Variants in SSBP2 observed in about 807,000 individuals in gnomAD.
The protein encoded by SSBP2 is single stranded DNA binding protein 2, also known as single-stranded DNA-binding protein 2.
SSBP2 carries 17 observed loss-of-function variants against 61.8 expected under a neutral mutation model. That is an observed-to-expected ratio of 0.28 (90% confidence interval 0.19 to 0.41). SSBP2 has a LOEUF of 0.41. SSBP2 is among the 10% of genes least tolerant of loss of function. The probability of loss-of-function intolerance (pLI) is 1.00; values close to 1 mark genes in which losing one functional copy is unlikely to be tolerated. For synonymous variants in SSBP2, 139 were observed against 141.3 expected (o/e 0.98, Z 0.12); for missense variants, 310 against 458.7 (o/e 0.68, Z 2.96).
intron 4 of SSBP2, among the ~76,000 whole-genome samples, chr5:81,584,403 C>T (rs1454578556): frequency 1.3e-5 from 2 of 152,156 alleles, no homozygotes; most frequent in Admixed American, 6.5e-5. Context: ...TAATTTTTAA[C>T]TCTTATCAGT....
intron 9 of SSBP2, among the ~76,000 whole-genome samples, chr5:81,465,452 C>G (rs1236213622): frequency 1.3e-5 from 2 of 151,902 alleles, no homozygotes; most frequent in East Asian, 3.8e-4. Flanking sequence ...ATTTTAATCT[C>G]TCAATGGTCA....
chr5:81,435,887 T>A (rs1329511173), intron 15 of SSBP2, among the ~76,000 whole-genome samples: 1 of 151,970 alleles, frequency 6.6e-6, no homozygotes, highest in Non-Finnish European at 1.5e-5. Context: ...GCTAATTAAA[T>A]TGTTAGAAAT....
intron 3 of SSBP2, 55 bp downstream of exon 3, chr5:81,636,502 C>T: frequency 1.5e-6 from 2 of 1,374,264 alleles, no homozygotes; most frequent in Non-Finnish European, 2.0e-6. Context: ...AGGTATAGTA[C>T]AGGCCTATTG....
chr5:81,744,472 A>T (rs1180604156), intron 1 of SSBP2, among the ~76,000 whole-genome samples: 1 of 152,178 alleles, frequency 6.6e-6, no homozygotes, highest in Non-Finnish European at 1.5e-5. Context: ...ATATATTTTC[A>T]TCTATTATTC....
chr5:81,681,754 C>T (rs772486037), intron 1 of SSBP2, among the ~76,000 whole-genome samples: 47 of 151,900 alleles, frequency 3.1e-4, no homozygotes, highest in Non-Finnish European at 5.2e-4. Flanking sequence ...GAAAAGGAAA[C>T]CAACAGAGAA....
intron 4 of SSBP2, among the ~76,000 whole-genome samples, chr5:81,516,706 TAA>T (rs1273969473): frequency 6.6e-6 from 1 of 152,066 alleles, no homozygotes; most frequent in Non-Finnish European, 1.5e-5. Flanking sequence ...CTCAGCATTG[TAA>T]AAGAGTATAT....
intron 5 of SSBP2, among the ~76,000 whole-genome samples, chr5:81,493,266 A>T (rs1561465866): frequency 1.4e-5 from 2 of 145,490 alleles, no homozygotes; most frequent in African/African-American, 5.6e-5. Context: ...AGATAGATAG[A>T]TAGATAGATA....
At chr5:81,495,855 T>C (rs894770257) in intron 5 of SSBP2, among the ~76,000 whole-genome samples, 2 of 152,002 alleles carry the variant, frequency 1.3e-5, no homozygotes, top group Non-Finnish European at 2.9e-5. Context: ...TCAGTATAAA[T>C]TAATAATAAA....
At chr5:81,561,086 GTTT>G (rs991267718) in intron 4 of SSBP2, among the ~76,000 whole-genome samples, 5 of 150,826 alleles carry the variant, frequency 3.3e-5, no homozygotes. Context: ...TCAGAAATTA[GTTT>G]TCTCATTTAC....
intron 4 of SSBP2, among the ~76,000 whole-genome samples, chr5:81,567,397 T>C (rs182309316): frequency 6.6e-6 from 1 of 152,332 alleles, no homozygotes; most frequent in East Asian, 1.9e-4. Context: ...GTGTTGAGCC[T>C]GCGGGTGCAC....
chr5:81,461,865 C>G (rs1045598409), intron 9 of SSBP2, among the ~76,000 whole-genome samples: 2 of 152,088 alleles, frequency 1.3e-5, no homozygotes, highest in African/African-American at 4.8e-5. Flanking sequence ...TTAATTAAAT[C>G]AAAAAGGTCT....
chr5:81,696,618 T>G (rs1433620100), intron 1 of SSBP2, among the ~76,000 whole-genome samples: 2 of 152,070 alleles, frequency 1.3e-5, no homozygotes, highest in Non-Finnish European at 2.9e-5. Flanking sequence ...AGTTCTGGAG[T>G]TCAACTATAA....
At chr5:81,660,087 A>G (rs1215895118) in intron 1 of SSBP2, among the ~76,000 whole-genome samples, 1 of 152,198 alleles carries the variant, frequency 6.6e-6, no homozygotes, top group Non-Finnish European at 1.5e-5. Flanking sequence ...CCTAGGCAAT[A>G]CCATTCAGGA....
chr5:81,440,494 T>C (rs1762961634), intron 14 of SSBP2, 64 bp downstream of exon 14: 3 of 1,398,510 alleles, frequency 2.1e-6, no homozygotes, highest in Non-Finnish European at 3.0e-6. Flanking sequence ...AACTGTAATA[T>C]GCACTAGGTA....
chr5:81,742,837 G>A (rs1561750858), intron 1 of SSBP2, among the ~76,000 whole-genome samples: 1 of 152,030 alleles, frequency 6.6e-6, no homozygotes, highest in Non-Finnish European at 1.5e-5. Flanking sequence ...CCGAGATTGC[G>A]CCACTTCACT....
chr5:81,574,291 C>T (rs140455920), intron 4 of SSBP2, among the ~76,000 whole-genome samples: 1,733 of 151,760 alleles, frequency 0.011, 26 homozygotes, highest in African/African-American at 0.039. Context: ...AAAATTAAGA[C>T]TCAGTGGATG....
chr5:81,750,849 A>C, intron 1 of SSBP2, 132 bp downstream of exon 1: 14 of 988,210 alleles, frequency 1.4e-5, no homozygotes, highest in African/African-American at 1.6e-5. Flanking sequence ...CCATCGCGGC[A>C]CCCCTCCCCC....
At chr5:81,594,667 T>G (rs1222764091) in intron 4 of SSBP2, among the ~76,000 whole-genome samples, 3 of 152,086 alleles carry the variant, frequency 2.0e-5, no homozygotes, top group African/African-American at 4.8e-5. Flanking sequence ...GCAATCAAAC[T>G]AGAACTCAGG....
intron 1 of SSBP2, among the ~76,000 whole-genome samples, chr5:81,744,938 T>C (rs1054573260): frequency 4.6e-5 from 7 of 152,136 alleles, no homozygotes; most frequent in African/African-American, 1.4e-4. Flanking sequence ...TAAATATTAA[T>C]TATGCCACTG....
Sources: allele counts gnomAD v4.1 joint callset (sites outside exome capture counted in the v4.1 genomes callset), GRCh38; gene constraint gnomAD v4.1.1; transcripts MANE v1.5; gene names NCBI Gene and HGNC (gene_info 2026-07-23, HGNC 2026-07-21).